The following WLS variants were observed in gnomAD, a reference collection of about 807,000 sequenced individuals.
The protein encoded by WLS is protein wntless homolog.
Under a neutral mutation model 62.8 loss-of-function variants are expected in WLS, and 23 were observed. The ratio of observed to expected loss-of-function variants is 0.37; its 90% confidence interval spans 0.26 to 0.52. The LOEUF (loss-of-function observed/expected upper bound fraction) is 0.52, where lower values mean the gene tolerates loss of function less well. Among genes scored for constraint, WLS ranks in the 20% least tolerant of loss-of-function variants. The pLI is 0.92. For synonymous variants in WLS, 246 were observed against 244.1 expected, an observed-to-expected ratio of 1.01 and a Z score of -0.07; for missense variants, 615 against 697.3, an observed-to-expected ratio of 0.88 and a Z score of 1.33.
At chr1:68,162,693 C>G (rs1646997397) in intron 2 of WLS, 5 of 1,220,346 alleles carry the variant, frequency 4.1e-6, no homozygotes, top group East Asian at 2.3e-5. Context: ...AGTCCGGTGT[C>G]TCTTCCACGG....
chr1:68,222,311 A>AT (rs962649436), intron 1 of WLS, among the ~76,000 whole-genome samples: 2 of 152,064 alleles, frequency 1.3e-5, no homozygotes, highest in South Asian at 2.1e-4. Flanking sequence ...AATTTAGTTG[A>AT]TTTTTTTTAA....
In WLS at chr1:68,183,399, T is replaced by C. The variant is rs1352408152; in HGVS notation, c.379+10556A>G. 4.7e-5 allele frequency: 12 copies of C among 257,808 alleles called. No homozygotes were observed. In the South Asian group the frequency reaches 4.9e-4, roughly 11 times the overall value. The allele number at this position is 257,808 out of a possible 1,614,324, so 16.0% of individuals were successfully genotyped here. A position where few individuals can be genotyped will look rare whatever the true frequency, so the allele number is the denominator to read the frequency against. On this transcript the variant is annotated intron_variant, in intron 2 of 11. Coordinates refer to ENST00000262348, the MANE Select transcript of WLS (RefSeq NM_024911.7). ...CAGAAATACAATTATGTGAATATCA[T>C]ACTACCAATGGCCTGTTCCATCATA...
chr1:68,170,156 A>ATTTCTTTT lies in WLS; in HGVS notation c.380-10917_380-10910dup, dbSNP rs1215052233. 2.8e-3 allele frequency among the ~76,000 whole-genome samples: 288 copies of ATTTCTTTT among 102,412 alleles called. 9 individuals carry two copies. Among genetic ancestry groups the ATTTCTTTT allele is most frequent in the Middle Eastern group, 0.011 (2 of 188 alleles). 67.2% of individuals were successfully genotyped at this position (102,412 alleles called of 152,430 possible). ...AAGCACTCAGTCAATGCTGGCTACT[A>ATTTCTTTT]TTTCTTTTTTTTTTTTTTTTTTTTT... is the stretch of plus-strand genomic sequence containing the variant. On this transcript the variant is annotated intron_variant, in intron 2 of 11. Transcript: ENST00000262348.
chr1:68,192,853 G>A (rs1030106605), intron 2 of WLS, among the ~76,000 whole-genome samples: 1 of 150,586 alleles, frequency 6.6e-6, no homozygotes, highest in African/African-American at 2.4e-5. Context: ...CCAGCACTTT[G>A]GGAGGCCAAG....
chr1:68,203,785 G>A (rs1161207884), intron 1 of WLS, among the ~76,000 whole-genome samples: 1 of 152,142 alleles, frequency 6.6e-6, no homozygotes, highest in Non-Finnish European at 1.5e-5. Flanking sequence ...GCAACCTATG[G>A]AAGAATTACT....
chr1:68,231,353 TG>T (rs1421585355), intron 1 of WLS, among the ~76,000 whole-genome samples: 4 of 151,456 alleles, frequency 2.6e-5, no homozygotes, highest in Non-Finnish European at 4.4e-5. Flanking sequence ...GGGGCTGTGG[TG>T]GGAGCTGAGG....
intron 2 of WLS, among the ~76,000 whole-genome samples, chr1:68,178,025 A>G (rs1190962755): frequency 6.6e-6 from 1 of 152,218 alleles, no homozygotes; most frequent in African/African-American, 2.4e-5. Context: ...ATTCAGCCCA[A>G]ACACTCTGGC....
At chr1:68,123,516 C>A (rs1197126118), downstream of WLS, among the ~76,000 whole-genome samples, 1 of 151,904 alleles carries the variant, frequency 6.6e-6, no homozygotes, top group Non-Finnish European at 1.5e-5. Context: ...ATCTGCTGGA[C>A]CCCTCAGTTC....
intron 11 of WLS, among the ~76,000 whole-genome samples, chr1:68,132,250 C>T (rs527911617): frequency 3.0e-4 from 45 of 152,308 alleles, no homozygotes; most frequent in Middle Eastern, 3.4e-3. Flanking sequence ...AGGCTGGTGA[C>T]GGTCCATCAG....
At chr1:68,203,319 GTTTA>G (rs1649126521) in intron 1 of WLS, among the ~76,000 whole-genome samples, 1 of 152,166 alleles carries the variant, frequency 6.6e-6, no homozygotes, top group African/African-American at 2.4e-5. Flanking sequence ...ACAACTATCT[GTTTA>G]TTTATTAACG....
At chr1:68,220,692 A>T (rs1027956466) in intron 1 of WLS, among the ~76,000 whole-genome samples, 1 of 152,212 alleles carries the variant, frequency 6.6e-6, no homozygotes, top group Non-Finnish European at 1.5e-5. Context: ...CCTCGAGCCA[A>T]CACTTATTTT....
At chr1:68,190,523 T>C (rs1648230304) in intron 2 of WLS, among the ~76,000 whole-genome samples, 1 of 152,204 alleles carries the variant, frequency 6.6e-6, no homozygotes, top group Admixed American at 6.5e-5. Context: ...TGGCTCACTA[T>C]CCCTGGGGGA....
chr1:68,178,857 C>G (rs758311793), intron 2 of WLS, among the ~76,000 whole-genome samples: 8 of 152,098 alleles, frequency 5.3e-5, no homozygotes, highest in Non-Finnish European at 1.0e-4. Context: ...TAATGCCTAT[C>G]GAATGAATGA....
At chr1:68,169,606 A>C (rs925105604) in intron 2 of WLS, among the ~76,000 whole-genome samples, 4 of 152,020 alleles carry the variant, frequency 2.6e-5, no homozygotes, top group Admixed American at 1.3e-4. Context: ...AATTTGGTCA[A>C]CTCTACTAGG....
chr1:68,162,652 TG>T, intron 2 of WLS: 1 of 1,236,040 alleles, frequency 8.1e-7, no homozygotes, highest in South Asian at 1.2e-5. Context: ...TGTGTTCCTC[TG>T]GTACAGATTG....
At chr1:68,195,303 G>A (rs1346863) in intron 1 of WLS, among the ~76,000 whole-genome samples, 1 of 152,118 alleles carries the variant, frequency 6.6e-6, no homozygotes, top group Non-Finnish European at 1.5e-5. Flanking sequence ...ATCCACACTA[G>A]GAAAGTTTTG....
intron 11 of WLS, among the ~76,000 whole-genome samples, chr1:68,112,437 A>G (rs1464266218): frequency 6.6e-6 from 1 of 152,184 alleles, no homozygotes; most frequent in Non-Finnish European, 1.5e-5. Flanking sequence ...CCAGGTGTCC[A>G]GCCTCCACGG....
intron 2 of WLS, among the ~76,000 whole-genome samples, chr1:68,169,186 G>A (rs566565035): frequency 8.3e-4 from 127 of 152,296 alleles, no homozygotes; most frequent in African/African-American, 2.7e-3. Flanking sequence ...TCATCTGGTT[G>A]AAGTCACATA....
chr1:68,167,508 G>A (rs2820493), intron 2 of WLS, among the ~76,000 whole-genome samples: 147,853 of 152,294 alleles, frequency 0.97, 71,916 homozygotes, highest in Middle Eastern at 1. Flanking sequence ...ATGAAGGCGA[G>A]GAATCCAATT....
Sources: gnomAD v4.1 joint callset for allele counts (sites outside exome capture counted in the v4.1 genomes callset) on GRCh38, gnomAD v4.1.1 for gene constraint, MANE v1.5 for transcripts, NCBI Gene and HGNC (gene_info 2026-07-23, HGNC 2026-07-21) for gene names.